Variants in NFATC3 observed in about 807,000 individuals in gnomAD.
The protein encoded by NFATC3 is nuclear factor of activated T cells 3, also known as nuclear factor of activated T-cells, cytoplasmic 3.
A neutral mutation model predicts 98.6 loss-of-function variants in NFATC3; 46 were observed. The ratio of observed to expected loss-of-function variants is 0.47; its 90% CI spans 0.37 to 0.60. The LOEUF is 0.60. NFATC3 is among the 20% of genes least tolerant of loss of function. NFATC3 has a pLI of 0.00. For synonymous variants in NFATC3, 512 were observed against 472.2 expected (o/e 1.08, Z -1.09); for missense variants, 1,256 against 1,295.5 (o/e 0.97, Z 0.47).
At chr16:68,150,413 A>T (rs1004660059) in intron 3 of NFATC3, among the ~76,000 whole-genome samples, 2 of 103,928 alleles carry the variant, frequency 1.9e-5, no homozygotes, top group Admixed American at 9.1e-5. Flanking sequence ...TTCTATATCT[A>T]AAAAAAAAAA....
intron 9 of NFATC3, among the ~76,000 whole-genome samples, chr16:68,202,106 C>T (rs1468368057): frequency 6.6e-6 from 1 of 151,932 alleles, no homozygotes; most frequent in Non-Finnish European, 1.5e-5. Context: ...CCCACTTGTC[C>T]TCCTTGTTCA....
rs1298671866 is a variant in NFATC3 at position 68,111,048 on chromosome 16, C to T, written c.104-10939C>T. The stretch of plus-strand genomic sequence containing the variant: ...TATGATTTCATTTCTTTTGCATTTG[C>T]TGAGGAGTGTTTTACTTCCAAGTAT... On this transcript the variant is annotated intron_variant, in intron 1 of 9. Coordinates refer to ENST00000346183, the MANE Select transcript of NFATC3 (RefSeq NM_173165.3). 2.0e-5 allele frequency among the ~76,000 whole-genome samples: 3 copies of T among 152,192 alleles called. No homozygotes were observed. The East Asian group carries it at 5.8e-4, about 29-fold the overall frequency.
rs772860741 is a variant in NFATC3, at chr16:68,226,461, A to G, written c.3218A>G (p.Asp1073Gly). ...GAGTCCCTGGATTTAGGAAGATCTG[A>G]TGGGCTCTAACAGTGCTTACTGCAG... ...SPESLDLGRS[D>G]GL is the part of the protein sequence containing the mutation. Residue 1073 changes from aspartate (D) to glycine (G), a missense_variant, in exon 10 of 10, where the codon GAT becomes GGT. Transcript: ENST00000346183. 6.5e-7 allele frequency: 1 copy of G among 1,547,990 alleles called. No homozygotes were observed. Among genetic ancestry groups the G allele is most frequent in the East Asian group, 2.6e-5 (1 of 39,178 alleles).
chr16:68,218,299 G>A lies in NFATC3; in HGVS notation c.3107-8051G>A, dbSNP rs545906204. Among the ~76,000 whole-genome samples, 4 of 151,776 alleles carry A rather than the reference G, an allele frequency of 2.6e-5. No homozygotes were observed. In the South Asian group the frequency reaches 8.3e-4, roughly 32 times the overall value. On this transcript the variant is annotated intron_variant, in intron 9 of 9. Coordinates refer to ENST00000346183, the MANE Select transcript of NFATC3 (RefSeq NM_173165.3). ...CCATAAATAGGTGAATTCAGGCCAGGCATGGTGGCTCATGCCTGTTATCCC... is the reference window on the plus strand; with the variant it reads ...CCATAAATAGGTGAATTCAGGCCAGACATGGTGGCTCATGCCTGTTATCCC...
intron 4 of NFATC3, among the ~76,000 whole-genome samples, chr16:68,163,214 G>A (rs374213079): frequency 1.5e-4 from 23 of 151,652 alleles, no homozygotes; most frequent in East Asian, 5.8e-4. Context: ...CCACAAAACC[G>A]CCATTGTCAT....
chr16:68,088,838 A>T, intron 1 of NFATC3: 1 of 300,454 alleles, frequency 3.3e-6, no homozygotes, highest in Non-Finnish European at 4.9e-6. Flanking sequence ...CCTGCCCAAT[A>T]TATATATTTT....
At chr16:68,109,866 G>A (rs1281734037) in intron 1 of NFATC3, among the ~76,000 whole-genome samples, 1 of 152,140 alleles carries the variant, frequency 6.6e-6, no homozygotes, top group East Asian at 1.9e-4. Context: ...TTGCATAAAG[G>A]TGTTTATAGT....
chr16:68,105,012 TTTTG>T (rs780580951), intron 1 of NFATC3, among the ~76,000 whole-genome samples: 7 of 151,980 alleles, frequency 4.6e-5, no homozygotes, highest in Non-Finnish European at 8.8e-5. Context: ...TTGCTGAGGT[TTTTG>T]TTTGTTTGTT....
intron 5 of NFATC3, among the ~76,000 whole-genome samples, chr16:68,172,587 C>T (rs954650014): frequency 1.3e-5 from 2 of 151,728 alleles, no homozygotes; most frequent in Admixed American, 6.6e-5. Flanking sequence ...TGGAGACCAG[C>T]GTGGGTAACA....
chr16:68,115,424 TTTTG>T (rs776256818), intron 1 of NFATC3, among the ~76,000 whole-genome samples: 21 of 152,248 alleles, frequency 1.4e-4, no homozygotes, highest in Non-Finnish European at 2.6e-4. Flanking sequence ...TGTTTTTTGT[TTTTG>T]TTTTTTTTGA....
chr16:68,176,605 T>G (rs531498302), intron 6 of NFATC3, among the ~76,000 whole-genome samples: 3 of 152,364 alleles, frequency 2.0e-5, no homozygotes, highest in Non-Finnish European at 4.4e-5. Flanking sequence ...TTAAATTTTT[T>G]TAATCCACTA....
intron 9 of NFATC3, among the ~76,000 whole-genome samples, chr16:68,193,170 A>G (rs1210540756): frequency 1.3e-5 from 2 of 152,204 alleles, no homozygotes; most frequent in African/African-American, 2.4e-5. Context: ...GGTATTATAA[A>G]TAATGTAGAT....
chr16:68,160,252 T>C (rs1030687377), intron 4 of NFATC3, among the ~76,000 whole-genome samples: 5 of 151,598 alleles, frequency 3.3e-5, no homozygotes, highest in African/African-American at 1.2e-4. Flanking sequence ...CACTTGAGGG[T>C]CAGGAGTTCG....
intron 9 of NFATC3, among the ~76,000 whole-genome samples, chr16:68,208,594 G>C (rs1384314530): frequency 6.6e-6 from 1 of 152,054 alleles, no homozygotes; most frequent in Non-Finnish European, 1.5e-5. Context: ...GCTGGGTGTG[G>C]TGGCATATGC....
chr16:68,126,099 G>T (rs2036823820), intron 2 of NFATC3, among the ~76,000 whole-genome samples: 1 of 152,038 alleles, frequency 6.6e-6, no homozygotes, highest in African/African-American at 2.4e-5. Flanking sequence ...AGCAAGGCTG[G>T]TCTCGAACTC....
At chr16:68,209,699 A>AG in intron 9 of NFATC3, 2 of 437,466 alleles carry the variant, frequency 4.6e-6, no homozygotes, top group South Asian at 3.5e-5. Flanking sequence ...ACAAGAAGCT[A>AG]GGGGGAATGG....
At chr16:68,126,032 ACAGGTGAGTGC>A (rs541164287) in intron 2 of NFATC3, among the ~76,000 whole-genome samples, 43 of 152,108 alleles carry the variant, frequency 2.8e-4, no homozygotes, top group African/African-American at 1.0e-3. Context: ...AGCTGGGATT[ACAGGTGAGTGC>A]CACCATGCCC....
chr16:68,183,729 C>G (rs955230671), intron 8 of NFATC3, among the ~76,000 whole-genome samples: 1 of 152,038 alleles, frequency 6.6e-6, no homozygotes, highest in Non-Finnish European at 1.5e-5. Flanking sequence ...TGTGGCCAGG[C>G]GCAGTGGCTC....
chr16:68,086,962 T>C (rs1226638587), intron 1 of NFATC3, among the ~76,000 whole-genome samples: 1 of 152,218 alleles, frequency 6.6e-6, no homozygotes, highest in Non-Finnish European at 1.5e-5. Context: ...TGTAGTGTTA[T>C]GATGAGGCAG....
Sources: allele counts gnomAD v4.1 joint callset (sites outside exome capture counted in the v4.1 genomes callset), GRCh38; gene constraint gnomAD v4.1.1; transcripts MANE v1.5; gene names NCBI Gene and HGNC (gene_info 2026-07-23, HGNC 2026-07-21).